Variants in LOX observed in about 807,000 individuals in gnomAD.
The protein encoded by LOX is lysyl oxidase.
Under a neutral mutation model 50.5 loss-of-function variants are expected in LOX, and 12 were observed. That is an observed-to-expected ratio of 0.24 (90% CI 0.15 to 0.38). The LOEUF (loss-of-function observed/expected upper bound fraction) is 0.38, where lower values mean the gene tolerates loss of function less well. Among genes scored for constraint, LOX ranks in the 10% least tolerant of loss-of-function variants. LOX has a pLI of 1.00. For missense variants in LOX, 504 were observed against 563.8 expected (o/e 0.89, Z 1.07); for synonymous variants, 254 against 230.6 (o/e 1.10, Z -0.92).
At chr5:122,075,073 G>C (rs1210545880) in intron 3 of LOX, among the ~76,000 whole-genome samples, 1 of 152,184 alleles carries the variant, frequency 6.6e-6, no homozygotes, top group Non-Finnish European at 1.5e-5. Context: ...TTTATGAAAT[G>C]CTATTTAATG....
At chr5:122,071,904 A>G (rs1253068871) in intron 4 of LOX, among the ~76,000 whole-genome samples, 2 of 152,166 alleles carry the variant, frequency 1.3e-5, no homozygotes, top group Non-Finnish European at 2.9e-5. Context: ...AGACAGGCCC[A>G]ACTCAGAAGG....
chr5:122,077,058 A>G lies in LOX; in HGVS notation c.632-57T>C, dbSNP rs1209285601. 6.2e-7 allele frequency: 1 copy of G among 1,600,034 alleles called. No individual in the cohort carries two copies. Among genetic ancestry groups the G allele is most frequent in the Admixed American group, 1.7e-5 (1 of 59,346 alleles). ...GAAACAACCCGGCGCCCCCCGCTCC[A>G]ACTCCCTACCCCTCTAGGTCCCTTA... On this transcript the variant is annotated intron_variant, in intron 1 of 6. Coordinates refer to ENST00000231004, the MANE Select transcript of LOX (RefSeq NM_002317.7). The surrounding 1 kb of genome is among the most constrained non-coding windows in gnomAD (Gnocchi z 4.9).
Position 122,077,654 on chromosome 5 carries a change from C to G in LOX, c.332G>C (p.Gly111Ala), listed in dbSNP as rs1222871851. The change falls in exon 1 of 7, where the codon GGA becomes GCA. Residue 111 changes from glycine (G) to alanine (A), a missense_variant. Around this residue, in one of 2 missense-constraint regions of LOX, gnomAD observed 398 missense variants for 365.8 expected, o/e 1.09. Coordinates refer to ENST00000231004, the MANE Select transcript of LOX (RefSeq NM_002317.7). The surrounding 1 kb of genome is among the most constrained non-coding windows in gnomAD (Gnocchi z 4.9). Reference protein sequence around the residue: ...AARTRTAGSSGVTAGRPRPTA... With the variant: ...AARTRTAGSSAVTAGRPRPTA... ...GGGCCTGGGGCGGCCAGCGGTGACT[C>G]CAGATGAGCCGGCCGTCCGCGTTCG... The G allele has an allele frequency of 6.2e-7, 1 of 1,607,974 alleles. No individual in the cohort carries two copies. The highest frequency in any genetic ancestry group is 8.5e-7 in the Non-Finnish European group (1 of 1,178,200).
chr5:122,068,511 C>T (rs1228394521), intron 6 of LOX, among the ~76,000 whole-genome samples: 1 of 152,072 alleles, frequency 6.6e-6, no homozygotes, highest in Non-Finnish European at 1.5e-5. Context: ...CTCTCACTTC[C>T]CCTACTCAAA....
Position 122,077,360 on chromosome 5 carries a change from TG to T in LOX, c.625del (p.Gln209SerfsTer28), listed in dbSNP as rs756849358. 1.9e-6 allele frequency: 3 copies of T among 1,613,804 alleles called. No homozygotes were observed. Among genetic ancestry groups the T allele is most frequent in the Non-Finnish European group, 1.7e-6 (2 of 1,179,976 alleles). On this transcript the variant is annotated frameshift_variant, in exon 1 of 7. Transcript: ENST00000231004. LOFTEE classifies it high-confidence loss of function. This position sits in a 1 kb window ranked among gnomAD's most constrained non-coding sequence, Gnocchi z 4.9. Reference protein sequence around the residue: ...YRPGYGTGYFQYGLPDLVADP... With the variant: ...YRPGYGTGYFXYGLPDLVADP... ...GCGGACTTGGGGGTACTTACCGTAC[TG>T]GAAGTAGCCAGTGCCGTATCCGGGC...
At position 122,078,192 on chromosome 5, in the gene LOX, T is replaced by A; in HGVS notation, c.-207A>T. 1 of 451,286 alleles carries A rather than the reference T, an allele frequency of 2.2e-6. No homozygotes were observed. Among genetic ancestry groups the A allele is most frequent in the Non-Finnish European group, 3.8e-6 (1 of 265,246 alleles). The allele number at this position is 451,286 out of a possible 1,614,324, so 28.0% of individuals were successfully genotyped here. A position where few individuals can be genotyped will look rare whatever the true frequency, so the allele number is the denominator to read the frequency against. Reference sequence around the variant, plus strand: ...GCTGCTCGGACGTGGCACCCTTCCCTTTCCCCTTTCTCAGTCCTGGAAGGC... The same window carrying A: ...GCTGCTCGGACGTGGCACCCTTCCCATTCCCCTTTCTCAGTCCTGGAAGGC... On this transcript the variant is annotated 5_prime_UTR_variant, in exon 1 of 7. In the 5' UTR this introduces an upstream ATG that the reference lacks. Coordinates refer to ENST00000231004, the MANE Select transcript of LOX (RefSeq NM_002317.7).
chr5:122,074,278 T>G (rs1268773067), intron 3 of LOX, 109 bp from the exon 4 acceptor site: 1 of 880,392 alleles, frequency 1.1e-6, no homozygotes, highest in Non-Finnish European at 1.7e-6. Flanking sequence ...CACATTAAAA[T>G]TGAGACCAAA....
At chr5:122,071,505 A>G (rs1754452094) in intron 4 of LOX, among the ~76,000 whole-genome samples, 1 of 152,190 alleles carries the variant, frequency 6.6e-6, no homozygotes, top group African/African-American at 2.4e-5. Context: ...AAATATTCAC[A>G]TCAATAAGTA....
At chr5:122,070,228 T>G (rs1469138511) in intron 5 of LOX, 60 bp from the exon 6 acceptor site, 54 of 961,130 alleles carry the variant, frequency 5.6e-5, no homozygotes, top group South Asian at 2.0e-4. Context: ...ATAAGGAAAT[T>G]GTTAATGAGG....
At chr5:122,070,855 A>G in intron 4 of LOX, 1 of 254,198 alleles carries the variant, frequency 3.9e-6, no homozygotes, top group Non-Finnish European at 7.4e-6. Flanking sequence ...TGCAATCTGA[A>G]GGAACAAAAT....
In LOX at chr5:122,065,416, A is replaced by T. The variant is rs1754273095; in HGVS notation, c.*1327T>A. ...ACCACTAACTTAAAAGTGTAATTTC[A>T]TTTTCTTGAATTTAGGTAAAAGCAA... On this transcript the variant is annotated 3_prime_UTR_variant, in exon 7 of 7. Transcript: ENST00000231004. The T allele has an allele frequency of 6.6e-6, 1 of 152,074 alleles. No individual in the cohort carries two copies. The highest frequency in any genetic ancestry group is 2.1e-4 in the South Asian group (1 of 4,830). 9.4% of individuals were successfully genotyped at this position (152,074 alleles called of 1,614,324 possible).
chr5:122,077,091 C>G lies in LOX; in HGVS notation c.632-90G>C. 1 of 1,542,810 alleles carries G rather than the reference C, an allele frequency of 6.5e-7. No homozygotes were observed. Among genetic ancestry groups the G allele is most frequent in the South Asian group, 1.2e-5 (1 of 84,574 alleles). ...ACCCCTCTAGGTCCCTTACTCCTCACCCTTCGCCCACCGGGACTGCAGAGT... is the reference window on the plus strand; with the variant it reads ...ACCCCTCTAGGTCCCTTACTCCTCAGCCTTCGCCCACCGGGACTGCAGAGT... On this transcript the variant is annotated intron_variant, in intron 1 of 6. Coordinates refer to ENST00000231004, the MANE Select transcript of LOX (RefSeq NM_002317.7). The surrounding 1 kb of genome is among the most constrained non-coding windows in gnomAD (Gnocchi z 4.9).
In LOX at chr5:122,075,475, C is replaced by T. The variant is rs777921520; in HGVS notation, c.807G>A (p.Val269=). 3.4e-5 allele frequency: 55 copies of T among 1,613,446 alleles called. No individual in the cohort carries two copies. The highest frequency in any genetic ancestry group is 1.2e-4 in the Admixed American group (7 of 59,966). The part of the protein sequence containing the change: ...HRVLLRFPQR[V]KNQGTSDFLP... ...AGAAATCTGATGTCCCTTGGTTTTT[C>T]ACTCTTTGGGGAAATCTGAGCAGCA... is the stretch of plus-strand genomic sequence containing the variant. Residue 269 remains valine (V), a synonymous_variant, in exon 3 of 7, where the codon GTG becomes GTA. Transcript: ENST00000231004.
At chr5:122,074,851 C>CT (rs1561419773) in intron 3 of LOX, among the ~76,000 whole-genome samples, 1 of 152,114 alleles carries the variant, frequency 6.6e-6, no homozygotes, top group East Asian at 1.9e-4. Context: ...TGAGGATTTC[C>CT]TGAAAATAAA....
At chr5:122,076,846 C>T in intron 2 of LOX, 47 bp downstream of exon 2, 2 of 1,564,350 alleles carry the variant, frequency 1.3e-6, no homozygotes, top group Non-Finnish European at 1.8e-6. Context: ...CAGAGCGCCC[C>T]CTGAAGGTAG....
At chr5:122,067,684 C>T (rs575134216) in intron 6 of LOX, among the ~76,000 whole-genome samples, 1 of 152,244 alleles carries the variant, frequency 6.6e-6, no homozygotes, top group African/African-American at 2.4e-5. Context: ...CTTTTCCATC[C>T]TTTTTGTCCA....
chr5:122,067,921 ACTCTGATTC>A (rs1004627938), intron 6 of LOX, among the ~76,000 whole-genome samples: 15 of 151,950 alleles, frequency 9.9e-5, no homozygotes, highest in African/African-American at 3.4e-4. Context: ...CTCTGTCTGA[ACTCTGATTC>A]CTAGGAAGGA....
chr5:122,068,932 C>CGGT (rs765146966), intron 6 of LOX, among the ~76,000 whole-genome samples: 21 of 151,878 alleles, frequency 1.4e-4, no homozygotes, highest in Non-Finnish European at 2.6e-4. Context: ...GGTGTTCTGG[C>CGGT]GGTGGGGGTC....
rs756488740 is a variant in LOX, at chr5:122,070,106, A to G, written c.1194T>C (p.Cys398=). 1 of 1,613,180 alleles carries G rather than the reference A, an allele frequency of 6.2e-7. No homozygotes were observed. Among genetic ancestry groups the G allele is most frequent in the Admixed American group, 1.7e-5 (1 of 59,940 alleles). ...CATGATGTCCTGTGTAGCGAATGTC[A>G]CAGCGCACAACATTGTTGGTATAGT... ...ESDYTNNVVR[C]DIRYTGHHAY... The change falls in exon 6 of 7, where the codon TGT becomes TGC. Residue 398 remains cysteine (C), a synonymous_variant. Coordinates refer to ENST00000231004, the MANE Select transcript of LOX (RefSeq NM_002317.7).
Sources: gnomAD v4.1 joint callset for allele counts (sites outside exome capture counted in the v4.1 genomes callset) on GRCh38, gnomAD v4.1.1 for gene constraint, gnomAD v4.1.1 regional missense constraint, Gnocchi (gnomAD v3.1) non-coding constraint, MANE v1.5 for transcripts, NCBI Gene and HGNC (gene_info 2026-07-23, HGNC 2026-07-21) for gene names.